The following FEM1B variants were observed in gnomAD, a reference collection of about 807,000 sequenced individuals.
The protein encoded by FEM1B is fem-1 homolog B.
FEM1B carries 10 observed loss-of-function variants against 38.6 expected under a neutral mutation model. That is an observed-to-expected ratio of 0.26 (90% CI 0.16 to 0.44). The LOEUF (loss-of-function observed/expected upper bound fraction) is 0.44, where lower values mean the gene tolerates loss of function less well. Among genes scored for constraint, FEM1B ranks in the 20% least tolerant of loss-of-function variants. The pLI is 1.00. For synonymous variants in FEM1B, 288 were observed against 288.0 expected, an observed-to-expected ratio of 1.00 and a Z score of 0.00; for missense variants, 471 against 786.7, an observed-to-expected ratio of 0.60 and a Z score of 4.80.
chr15:68,287,180 C>T (rs145390601), intron 1 of FEM1B, among the ~76,000 whole-genome samples: 4 of 152,200 alleles, frequency 2.6e-5, no homozygotes, highest in South Asian at 2.1e-4. Context: ...CATAAGCCAC[C>T]GCACCCGGCC....
chr15:68,282,249 T>C (rs1280276446), intron 1 of FEM1B, among the ~76,000 whole-genome samples: 1 of 139,582 alleles, frequency 7.2e-6, no homozygotes, highest in East Asian at 1.9e-4. Context: ...TTTGAGGCTT[T>C]TTGTTGAGTG....
Position 68,281,092 on chromosome 15 carries a change from T to C in FEM1B, c.248+2427T>C, listed in dbSNP as rs1892720983. Among the ~76,000 whole-genome samples the C allele has an allele frequency of 6.6e-6, 1 of 152,176 alleles. No homozygotes were observed. The highest frequency in any genetic ancestry group is 2.1e-4 in the South Asian group (1 of 4,836). On this transcript the variant is annotated intron_variant, in intron 1 of 1. Transcript: ENST00000306917. The surrounding 1 kb of genome is among the most constrained non-coding windows in gnomAD (Gnocchi z 5.1). ...TTAGGATTTTAGAACCAAAAAAGAG[T>C]GTGATGATTTCACTTTGCATTTGTT...
At position 68,278,808 on chromosome 15, in the gene FEM1B, G is replaced by A; in HGVS notation, c.248+143G>A. The A allele has an allele frequency of 1.1e-6, 1 of 908,648 alleles. No homozygotes were observed. The highest frequency in any genetic ancestry group is 2.3e-5 in the Admixed American group (1 of 43,078). The allele number at this position is 908,648 out of a possible 1,614,324, so 56.3% of individuals were successfully genotyped here. On this transcript the variant is annotated intron_variant, in intron 1 of 1. Transcript: ENST00000306917. This position sits in a 1 kb window ranked among gnomAD's most constrained non-coding sequence, Gnocchi z 5.7. ...TTGTACCACCTCCTGCCCCACTAAT[G>A]CCCACTTCATCTTCCAGGGCTAATA... is the stretch of plus-strand genomic sequence containing the variant.
rs1892813231 is a variant in FEM1B, at chr15:68,288,553, G to A, written c.249-1054G>A. Among the ~76,000 whole-genome samples the A allele has an allele frequency of 6.6e-6, 1 of 152,184 alleles. No individual in the cohort carries two copies. Among genetic ancestry groups the A allele is most frequent in the Admixed American group, 6.5e-5 (1 of 15,282 alleles). On this transcript the variant is annotated intron_variant, in intron 1 of 1. Transcript: ENST00000306917. This position sits in a 1 kb window ranked among gnomAD's most constrained non-coding sequence, Gnocchi z 4.6. ...GGGGAAAAATTGACAGTAGAAAGGTGGGAAAGATCAGACTCTAGCAATAGT... is the reference window on the plus strand; with the variant it reads ...GGGGAAAAATTGACAGTAGAAAGGTAGGAAAGATCAGACTCTAGCAATAGT...
Position 68,278,661 on chromosome 15 carries a change from G to A in FEM1B, c.244G>A (p.Asp82Asn). The A allele has an allele frequency of 1.2e-6, 2 of 1,613,848 alleles. No homozygotes were observed. Among genetic ancestry groups the A allele is most frequent in the Non-Finnish European group, 1.7e-6 (2 of 1,180,008 alleles). The change falls in exon 1 of 2, where the codon GAC (aspartate) becomes AAC (asparagine). Residue 82 changes from aspartate to asparagine, a missense_variant. By Grantham distance (23) the Asp-to-Asn change is conservative (BLOSUM62 1). Around this residue, in one of 3 missense-constraint regions of FEM1B, gnomAD observed 91 missense variants for 169.6 expected, o/e 0.54. Transcript: ENST00000306917. The surrounding 1 kb of genome is among the most constrained non-coding windows in gnomAD (Gnocchi z 5.7). ...TCAGCAGACTGGCACCGTCCGCTTC[G>A]ACGGGTAGGTACATCCCAAGCCAGC... ...QTQQTGTVRF[D>N]GYVIDGATAL...
chr15:68,282,219 A>G (rs1395041795), intron 1 of FEM1B, among the ~76,000 whole-genome samples: 1 of 151,962 alleles, frequency 6.6e-6, no homozygotes, highest in Non-Finnish European at 1.5e-5. Context: ...GTGGATGGGG[A>G]GAATAGGACC....
At position 68,288,065 on chromosome 15, in the gene FEM1B, A is replaced by G. The variant is rs1044436203; in HGVS notation, c.249-1542A>G. ...GGCTCGTCTTGAACTCCTGACCTCA[A>G]GTGATCTGCCCACTTCAGCCTCCCA... On this transcript the variant is annotated intron_variant, in intron 1 of 1. Transcript: ENST00000306917. The surrounding 1 kb of genome is among the most constrained non-coding windows in gnomAD (Gnocchi z 4.6). Among the ~76,000 whole-genome samples the G allele has an allele frequency of 2.0e-5, 3 of 151,932 alleles. No homozygotes were observed. The highest frequency in any genetic ancestry group is 7.3e-5 in the African/African-American group (3 of 41,352).
Position 68,294,655 on chromosome 15 carries a change from T to C in FEM1B, c.*3413T>C, listed in dbSNP as rs1344852733. ...GCCAGACCTTTGATTAGTTTGCTGG[T>C]TTAGAAACAGCCAGTGGCTGAATTA... On this transcript the variant is annotated 3_prime_UTR_variant, in exon 2 of 2. Transcript: ENST00000306917. This position sits in a 1 kb window ranked among gnomAD's most constrained non-coding sequence, Gnocchi z 4.4. 1.3e-5 allele frequency: 2 copies of C among 151,690 alleles called. No homozygotes were observed. Among genetic ancestry groups the C allele is most frequent in the East Asian group, 3.9e-4 (2 of 5,172 alleles). The allele number at this position is 151,690 out of a possible 1,614,324, so 9.4% of individuals were successfully genotyped here.
At position 68,290,221 on chromosome 15, in the gene FEM1B, A is replaced by G; in HGVS notation, c.863A>G (p.Asp288Gly). 2 of 1,614,126 alleles carry G rather than the reference A, an allele frequency of 1.2e-6. No individual in the cohort carries two copies. Among genetic ancestry groups the G allele is most frequent in the Non-Finnish European group, 1.7e-6 (2 of 1,180,020 alleles). ...ATGTTAGAGAGGTTCCAAGATGGTGATAACATTCTCGAAAAAGAGGTTCTT... is the reference window on the plus strand; with the variant it reads ...ATGTTAGAGAGGTTCCAAGATGGTGGTAACATTCTCGAAAAAGAGGTTCTT... ...LAMLERFQDGDNILEKEVLPP... is the reference protein window; with the variant it reads ...LAMLERFQDGGNILEKEVLPP... Residue 288 changes from aspartate to glycine, a missense_variant, in exon 2 of 2, where the codon GAT (aspartate) becomes GGT (glycine). By Grantham distance (94) the Asp-to-Gly change is moderately conservative. Coordinates refer to ENST00000306917, the MANE Select transcript of FEM1B (RefSeq NM_015322.5). This position sits in a 1 kb window ranked among gnomAD's most constrained non-coding sequence, Gnocchi z 9.7.
chr15:68,289,419 G>GC lies in FEM1B; in HGVS notation c.249-187dup. ...AACAGTAATAGCTAGCATATATTGA[G>GC]CTTTATATTAGGTACAAGTACTATG... On this transcript the variant is annotated intron_variant, in intron 1 of 1. Coordinates refer to ENST00000306917, the MANE Select transcript of FEM1B (RefSeq NM_015322.5). This position sits in a 1 kb window ranked among gnomAD's most constrained non-coding sequence, Gnocchi z 6.9. 1.7e-6 allele frequency: 1 copy of GC among 591,562 alleles called. No individual in the cohort carries two copies. Among genetic ancestry groups the GC allele is most frequent in the Non-Finnish European group, 3.0e-6 (1 of 332,924 alleles). The allele number at this position is 591,562 out of a possible 1,614,324, so 36.6% of individuals were successfully genotyped here.
chr15:68,294,285 TTAAA>T lies in FEM1B; in HGVS notation c.*3048_*3051del, dbSNP rs1892879846. The T allele has an allele frequency of 6.6e-6, 1 of 151,896 alleles. No individual in the cohort carries two copies. The highest frequency in any genetic ancestry group is 1.5e-5 in the Non-Finnish European group (1 of 68,026). The allele number at this position is 151,896 out of a possible 1,614,324, so 9.4% of individuals were successfully genotyped here. A position where few individuals can be genotyped will look rare whatever the true frequency, so the allele number is the denominator to read the frequency against. On this transcript the variant is annotated 3_prime_UTR_variant, in exon 2 of 2. Transcript: ENST00000306917. This position sits in a 1 kb window ranked among gnomAD's most constrained non-coding sequence, Gnocchi z 4.4. Reference sequence around the variant, plus strand: ...GTTAAGGTTCTTTGCTGTGGGAATTTTAAATAAACCAAACCCCAAAGCAGACCAT... The same window carrying T: ...GTTAAGGTTCTTTGCTGTGGGAATTTTAAACCAAACCCCAAAGCAGACCAT...
rs1327545216 is a variant in FEM1B, at chr15:68,293,093, TC to T, written c.*1853del. 6.6e-6 allele frequency: 1 copy of T among 152,170 alleles called. No individual in the cohort carries two copies. Among genetic ancestry groups the T allele is most frequent in the African/African-American group, 2.4e-5 (1 of 41,446 alleles). The allele number at this position is 152,170 out of a possible 1,614,324, so 9.4% of individuals were successfully genotyped here. ...CTAATTTGAAAATTACCAGACTTGA[TC>T]CTCCTGGTATGAATCAAGGAAATAC... On this transcript the variant is annotated 3_prime_UTR_variant, in exon 2 of 2. Coordinates refer to ENST00000306917, the MANE Select transcript of FEM1B (RefSeq NM_015322.5). The surrounding 1 kb of genome is among the most constrained non-coding windows in gnomAD (Gnocchi z 5.8).
At position 68,289,375 on chromosome 15, in the gene FEM1B, G is replaced by A. The variant is rs113170705; in HGVS notation, c.249-232G>A. 6 of 468,516 alleles carry A rather than the reference G, an allele frequency of 1.3e-5. No individual in the cohort carries two copies. The highest frequency in any genetic ancestry group is 5.9e-5 in the African/African-American group (3 of 51,098). 29.0% of individuals were successfully genotyped at this position (468,516 alleles called of 1,614,324 possible). A position where few individuals can be genotyped will look rare whatever the true frequency, so the allele number is the denominator to read the frequency against. Reference sequence around the variant, plus strand: ...GTGATTTTTCAGGTTTGTTTTTTAGGGTTATATACTCTAGTAGTAACAGTA... The same window carrying A: ...GTGATTTTTCAGGTTTGTTTTTTAGAGTTATATACTCTAGTAGTAACAGTA... On this transcript the variant is annotated intron_variant, in intron 1 of 1. Transcript: ENST00000306917. The surrounding 1 kb of genome is among the most constrained non-coding windows in gnomAD (Gnocchi z 6.9).
In FEM1B at chr15:68,289,904, C is replaced by T. The variant is rs757074864; in HGVS notation, c.546C>T (p.Ala182=). 2 of 1,613,908 alleles carry T rather than the reference C, an allele frequency of 1.2e-6. No individual in the cohort carries two copies. The highest frequency in any genetic ancestry group is 8.5e-7 in the Non-Finnish European group (1 of 1,179,910). The change falls in exon 2 of 2, where the codon GCC becomes GCT. Residue 182 remains alanine, a synonymous_variant. Coordinates refer to ENST00000306917, the MANE Select transcript of FEM1B (RefSeq NM_015322.5). This position sits in a 1 kb window ranked among gnomAD's most constrained non-coding sequence, Gnocchi z 6.9. ...YLLEQRADPN[A]KAHCGATALH... ...TAGAACAACGTGCTGATCCCAATGC[C>T]AAAGCACATTGTGGAGCCACAGCAT...
At position 68,292,844 on chromosome 15, in the gene FEM1B, A is replaced by G. The variant is rs776743293; in HGVS notation, c.*1602A>G. 2 of 152,140 alleles carry G rather than the reference A, an allele frequency of 1.3e-5. No individual in the cohort carries two copies. The highest frequency in any genetic ancestry group is 2.9e-5 in the Non-Finnish European group (2 of 67,994). The allele number at this position is 152,140 out of a possible 1,614,324, so 9.4% of individuals were successfully genotyped here. ...AAATAAAATAGAGATACCCCACAAA[A>G]TGAAATATTTTGAAGGATGGGAGGG... On this transcript the variant is annotated 3_prime_UTR_variant, in exon 2 of 2. Transcript: ENST00000306917.
Position 68,278,188 on chromosome 15 carries a change from C to G in FEM1B, c.-230C>G, listed in dbSNP as rs1298922911. The G allele has an allele frequency of 1.3e-5, 7 of 543,840 alleles. No homozygotes were observed. Among genetic ancestry groups the G allele is most frequent in the Non-Finnish European group, 1.9e-5 (6 of 320,602 alleles). The allele number at this position is 543,840 out of a possible 1,614,324, so 33.7% of individuals were successfully genotyped here. A position where few individuals can be genotyped will look rare whatever the true frequency, so the allele number is the denominator to read the frequency against. On this transcript the variant is annotated 5_prime_UTR_variant, in exon 1 of 2. Transcript: ENST00000306917. The surrounding 1 kb of genome is among the most constrained non-coding windows in gnomAD (Gnocchi z 5.7). ...GGGACCTGGCGGGCGGCCCTGACCG[C>G]CTTCCTCCCTGCGCGGGCTGGGTCG...
At position 68,291,200 on chromosome 15, in the gene FEM1B, C is replaced by T; in HGVS notation, c.1842C>T (p.Asp614=). ...AVRANDINYQ[D]QIPRTLEEFV... is the part of the protein sequence containing the mutation. ...GGGCTAATGACATTAACTACCAAGA[C>T]CAGATCCCCAGAACTCTTGAAGAGT... Residue 614 remains aspartate (D), a synonymous_variant, in exon 2 of 2, where the codon GAC becomes GAT. Coordinates refer to ENST00000306917, the MANE Select transcript of FEM1B (RefSeq NM_015322.5). The surrounding 1 kb of genome is among the most constrained non-coding windows in gnomAD (Gnocchi z 6.9). 6.2e-7 allele frequency: 1 copy of T among 1,610,492 alleles called. No homozygotes were observed.
rs1892824298 is a variant in FEM1B at position 68,289,542 on chromosome 15, CATCCCTTAAACATATGTTAGGCTGT to C, written c.249-64_249-40del. The C allele has an allele frequency of 3.1e-5, 36 of 1,173,414 alleles. No individual in the cohort carries two copies. Among genetic ancestry groups the C allele is most frequent in the Non-Finnish European group, 4.0e-5 (32 of 802,154 alleles). 72.7% of individuals were successfully genotyped at this position (1,173,414 alleles called of 1,614,324 possible). ...AGGTCTTGGTCGGTGGGAGTGAATA[CATCCCTTAAACATATGTTAGGCTGT>C]GGCCTCTGTTATCTAACTGCTTATT... is the stretch of plus-strand genomic sequence containing the variant. On this transcript the variant is annotated intron_variant, in intron 1 of 1. Coordinates refer to ENST00000306917, the MANE Select transcript of FEM1B (RefSeq NM_015322.5). This position sits in a 1 kb window ranked among gnomAD's most constrained non-coding sequence, Gnocchi z 6.9.
chr15:68,286,450 C>T (rs1038656738), intron 1 of FEM1B, among the ~76,000 whole-genome samples: 1 of 151,512 alleles, frequency 6.6e-6, no homozygotes, highest in African/African-American at 2.4e-5. Context: ...GATCATGGCT[C>T]ATTGTAGCCT....
Sources: allele counts gnomAD v4.1 joint callset (sites outside exome capture counted in the v4.1 genomes callset), GRCh38; gene constraint gnomAD v4.1.1; regional missense constraint gnomAD v4.1.1; non-coding constraint Gnocchi (gnomAD v3.1); transcripts MANE v1.5; gene names NCBI Gene and HGNC (gene_info 2026-07-23, HGNC 2026-07-21).